ASTN2: variants seen among roughly 807,000 people sequenced by gnomAD.
ASTN2 encodes astrotactin-2.
A neutral mutation model predicts 139.8 loss-of-function variants in ASTN2; 54 were observed. That is an observed-to-expected ratio of 0.39 (90% CI 0.31 to 0.48). ASTN2 has a LOEUF of 0.48. ASTN2 is among the 20% of genes least tolerant of loss of function. The pLI is 0.95. For synonymous variants in ASTN2, 756 were observed against 719.5 expected, an observed-to-expected ratio of 1.05 and a Z score of -0.81; for missense variants, 1,565 against 1,725.1, an observed-to-expected ratio of 0.91 and a Z score of 1.64.
chr9:117,014,739 T>G (rs144731643), intron 6 of ASTN2, among the ~76,000 whole-genome samples: 1 of 152,126 alleles, frequency 6.6e-6, no homozygotes, highest in Non-Finnish European at 1.5e-5. Flanking sequence ...CGGGTCCTAT[T>G]TCAATACGAC....
At chr9:117,223,732 T>G (rs553388978) in intron 2 of ASTN2, among the ~76,000 whole-genome samples, 1 of 152,372 alleles carries the variant, frequency 6.6e-6, no homozygotes, top group Admixed American at 6.5e-5. Context: ...TGTGATTATG[T>G]ATGTATTCAC....
At chr9:116,518,558 T>G (rs1479907835) in intron 19 of ASTN2, among the ~76,000 whole-genome samples, 1 of 152,046 alleles carries the variant, frequency 6.6e-6, no homozygotes, top group Non-Finnish European at 1.5e-5. Flanking sequence ...AGAACCTCCT[T>G]AAAGCATAAA....
intron 13 of ASTN2, among the ~76,000 whole-genome samples, chr9:116,738,215 T>C (rs1276076742): frequency 2.7e-5 from 4 of 149,190 alleles, no homozygotes; most frequent in Admixed American, 2.0e-4. Context: ...AGACTACATA[T>C]TGGGGCCAGG....
intron 10 of ASTN2, among the ~76,000 whole-genome samples, chr9:116,876,255 G>A (rs1833293717): frequency 6.6e-6 from 1 of 152,134 alleles, no homozygotes; most frequent in Non-Finnish European, 1.5e-5. Flanking sequence ...AAAATTGCAA[G>A]AGAACTAGAT....
At chr9:116,611,950 C>G (rs1457900267) in intron 19 of ASTN2, 1 of 152,068 alleles carries the variant, frequency 6.6e-6, no homozygotes, top group Non-Finnish European at 1.5e-5. Flanking sequence ...CTAATTAAAA[C>G]AAACAGATAA....
At chr9:116,946,630 G>A (rs1383872193) in intron 10 of ASTN2, among the ~76,000 whole-genome samples, 1 of 152,152 alleles carries the variant, frequency 6.6e-6, no homozygotes, top group East Asian at 1.9e-4. Flanking sequence ...GCATGCTGGT[G>A]TGTGAGGGGT....
intron 4 of ASTN2, among the ~76,000 whole-genome samples, chr9:117,122,553 A>G (rs1829584015): frequency 6.6e-6 from 1 of 152,236 alleles, no homozygotes; most frequent in South Asian, 2.1e-4. Context: ...AGCAATGGGC[A>G]GCAGTCTGAA....
chr9:116,879,764 T>C (rs763331562), intron 10 of ASTN2, among the ~76,000 whole-genome samples: 9 of 152,198 alleles, frequency 5.9e-5, no homozygotes, highest in Non-Finnish European at 1.3e-4. Context: ...CTTGCTTGTA[T>C]TGTTACAGTA....
Position 116,632,128 on chromosome 9 carries a change from A to AAGAGAGAGAGAGAG in ASTN2, c.3073-11699_3073-11686dup, listed in dbSNP as rs145360209. 7.9e-3 allele frequency among the ~76,000 whole-genome samples: 376 copies of AAGAGAGAGAGAGAG among 47,716 alleles called. 6 individuals carry two copies. The South Asian group carries it at 0.081, about 10-fold the overall frequency. 31.3% of individuals were successfully genotyped at this position (47,716 alleles called of 152,430 possible). A position where few individuals can be genotyped will look rare whatever the true frequency, so the allele number is the denominator to read the frequency against. On this transcript the variant is annotated intron_variant, in intron 17 of 22. Coordinates refer to ENST00000313400, the MANE Select transcript of ASTN2 (RefSeq NM_001365068.1). ...ACTGTGTCAAAAGAAAAAGAAAAAG[A>AAGAGAGAGAGAGAG]AGAGAGAGAGAGAGAGAGAGAGAGA...
intron 21 of ASTN2, among the ~76,000 whole-genome samples, chr9:116,441,644 T>A (rs957456125): frequency 6.6e-6 from 1 of 152,198 alleles, no homozygotes. Flanking sequence ...TTGAGCCATC[T>A]GCAGAAATGT....
intron 10 of ASTN2, among the ~76,000 whole-genome samples, chr9:116,916,706 G>A (rs1834458049): frequency 6.6e-6 from 1 of 152,072 alleles, no homozygotes; most frequent in Non-Finnish European, 1.5e-5. Context: ...TAGGTGTGGT[G>A]GTGTGTGCCT....
At chr9:117,216,756 G>T (rs1394547438) in intron 2 of ASTN2, among the ~76,000 whole-genome samples, 1 of 152,122 alleles carries the variant, frequency 6.6e-6, no homozygotes. Flanking sequence ...GAGAGGGAGG[G>T]AGTGAGGAAG....
chr9:117,302,877 G>A (rs1339925), intron 1 of ASTN2, among the ~76,000 whole-genome samples: 6,165 of 152,232 alleles, frequency 0.04, 396 homozygotes, highest in African/African-American at 0.14. Context: ...AGGGTCAGAC[G>A]CTGGCCTAAA....
intron 19 of ASTN2, among the ~76,000 whole-genome samples, chr9:116,528,608 A>G (rs1214253229): frequency 6.6e-6 from 1 of 152,240 alleles, no homozygotes; most frequent in Admixed American, 6.5e-5. Context: ...CCAAATGTTA[A>G]TAGCCAAGAC....
At chr9:117,260,816 T>C (rs565648369) in intron 2 of ASTN2, among the ~76,000 whole-genome samples, 4 of 152,308 alleles carry the variant, frequency 2.6e-5, no homozygotes, top group Non-Finnish European at 4.4e-5. Context: ...GCACATACCA[T>C]GTACCTCCCA....
intron 11 of ASTN2, among the ~76,000 whole-genome samples, chr9:116,825,788 G>A (rs1831607648): frequency 6.6e-6 from 1 of 152,200 alleles, no homozygotes; most frequent in African/African-American, 2.4e-5. Flanking sequence ...AGTGCCTAAA[G>A]TTTGCATAAA....
At chr9:116,441,859 A>G (rs1847849141) in intron 21 of ASTN2, among the ~76,000 whole-genome samples, 1 of 152,206 alleles carries the variant, frequency 6.6e-6, no homozygotes, top group South Asian at 2.1e-4. Context: ...TTGACTGATT[A>G]TATTTTTTCA....
At chr9:116,805,876 G>A (rs1252116809) in intron 12 of ASTN2, 56 bp from the exon 13 acceptor site, 1 of 1,566,906 alleles carries the variant, frequency 6.4e-7, no homozygotes, top group South Asian at 1.2e-5. Context: ...CCCCCATTGG[G>A]GGTGACCTAA....
At chr9:116,601,827 G>A (rs1046060671) in intron 19 of ASTN2, among the ~76,000 whole-genome samples, 1 of 152,090 alleles carries the variant, frequency 6.6e-6, no homozygotes, top group African/African-American at 2.4e-5. Flanking sequence ...TATAATTAGG[G>A]GGTTCCGAAG....
Sources: allele counts gnomAD v4.1 joint callset (sites outside exome capture counted in the v4.1 genomes callset), GRCh38; gene constraint gnomAD v4.1.1; transcripts MANE v1.5; gene names NCBI Gene and HGNC (gene_info 2026-07-23, HGNC 2026-07-21).